The following RHBDD1 variants were observed in gnomAD, a reference collection of about 807,000 sequenced individuals.
RHBDD1 encodes rhomboid-related protein 4.
In RHBDD1, 38 loss-of-function variants were observed where a neutral mutation model predicts 36.3. The ratio of observed to expected loss-of-function variants is 1.05; its 90% CI spans 0.81 to 1.37. RHBDD1 has a LOEUF of 1.37. Among genes scored for constraint, RHBDD1 ranks in the 40% most tolerant of loss-of-function variants. The pLI is 0.00. For missense variants in RHBDD1, 393 were observed against 377.6 expected, an observed-to-expected ratio of 1.04 and a Z score of -0.34; for synonymous variants, 151 against 136.5, an observed-to-expected ratio of 1.11 and a Z score of -0.74.
At chr2:226,990,927 G>A (rs1240605970) in intron 8 of RHBDD1, among the ~76,000 whole-genome samples, 1 of 152,194 alleles carries the variant, frequency 6.6e-6, no homozygotes, top group African/African-American at 2.4e-5. Context: ...ACCCAGGCCT[G>A]TAAATGTCCA....
intron 8 of RHBDD1, among the ~76,000 whole-genome samples, chr2:226,982,182 C>G (rs887054345): frequency 6.6e-6 from 1 of 152,238 alleles, no homozygotes; most frequent in Admixed American, 6.5e-5. Flanking sequence ...TCAGCCCTGC[C>G]CCTAATGATT....
the RHBDD1 span, among the ~76,000 whole-genome samples, chr2:226,828,492 A>T: frequency 6.6e-6 from 1 of 152,230 alleles, no homozygotes; most frequent in African/African-American, 2.4e-5. Context: ...AAAAAACTGC[A>T]TAACTATTTT....
At chr2:226,846,663 G>C (rs1942253058) in intron 3 of RHBDD1, among the ~76,000 whole-genome samples, 1 of 150,010 alleles carries the variant, frequency 6.7e-6, no homozygotes, top group African/African-American at 2.5e-5. Flanking sequence ...AGAATTGCTT[G>C]AACCCGGGAG....
the RHBDD1 span, among the ~76,000 whole-genome samples, chr2:226,805,983 C>T: frequency 6.6e-6 from 1 of 152,156 alleles, no homozygotes. Context: ...GGTGGTAGAA[C>T]TAGTTGATTT....
chr2:226,812,758 A>C, the RHBDD1 span, among the ~76,000 whole-genome samples: 1 of 152,210 alleles, frequency 6.6e-6, no homozygotes, highest in African/African-American at 2.4e-5. Flanking sequence ...ATTTAAAAAA[A>C]TTCTCCCATA....
At chr2:226,882,025 A>G (rs1945783827) in intron 5 of RHBDD1, among the ~76,000 whole-genome samples, 1 of 152,248 alleles carries the variant, frequency 6.6e-6, no homozygotes, top group African/African-American at 2.4e-5. Flanking sequence ...AGGTTCTATA[A>G]GTAATAGCAT....
intron 5 of RHBDD1, among the ~76,000 whole-genome samples, chr2:226,901,128 T>C (rs553794635): frequency 2.8e-4 from 42 of 152,350 alleles, no homozygotes; most frequent in African/African-American, 9.1e-4. Flanking sequence ...TATTTGTCTT[T>C]TTGTATCTGG....
intron 8 of RHBDD1, among the ~76,000 whole-genome samples, chr2:226,992,765 G>A (rs1407758000): frequency 6.6e-6 from 1 of 152,206 alleles, no homozygotes; most frequent in Non-Finnish European, 1.5e-5. Context: ...GGTGAGAGGT[G>A]CAACCCTGAA....
At chr2:226,991,173 T>G (rs1253379645) in intron 8 of RHBDD1, among the ~76,000 whole-genome samples, 1 of 152,138 alleles carries the variant, frequency 6.6e-6, no homozygotes, top group Non-Finnish European at 1.5e-5. Flanking sequence ...AAGTCACTGG[T>G]TTTGTCATTT....
the RHBDD1 span, among the ~76,000 whole-genome samples, chr2:226,822,650 AAAG>A: frequency 6.6e-6 from 1 of 150,554 alleles, no homozygotes; most frequent in Non-Finnish European, 1.5e-5. Context: ...AAAAAAAAAA[AAAG>A]AAAATAAATG....
intron 3 of RHBDD1, among the ~76,000 whole-genome samples, chr2:226,847,267 C>T (rs1942324535): frequency 6.6e-6 from 1 of 152,190 alleles, no homozygotes; most frequent in Non-Finnish European, 1.5e-5. Context: ...GTTACTTCTA[C>T]TTCCCTAAAC....
At chr2:226,959,503 G>A (rs1402403462) in intron 8 of RHBDD1, among the ~76,000 whole-genome samples, 4 of 152,082 alleles carry the variant, frequency 2.6e-5, no homozygotes, top group Non-Finnish European at 4.4e-5. Context: ...AAACAGAAAC[G>A]TACCACATAT....
chr2:226,960,229 A>G (rs914394249), intron 8 of RHBDD1, among the ~76,000 whole-genome samples: 1 of 152,242 alleles, frequency 6.6e-6, no homozygotes, highest in Admixed American at 6.5e-5. Flanking sequence ...ATCCTCCCCA[A>G]CACTTGCTAT....
At chr2:226,805,262 G>T in the RHBDD1 span, among the ~76,000 whole-genome samples, 2 of 152,160 alleles carry the variant, frequency 1.3e-5, no homozygotes, top group African/African-American at 4.8e-5. Flanking sequence ...ACCCAGGCTG[G>T]AGTGCAGTGG....
intron 8 of RHBDD1, among the ~76,000 whole-genome samples, chr2:226,969,828 A>C (rs1354801721): frequency 1.3e-5 from 2 of 152,154 alleles, no homozygotes; most frequent in African/African-American, 4.8e-5. Context: ...CATAATGCTA[A>C]ATTTTTCTTG....
At chr2:226,827,628 A>G in the RHBDD1 span, among the ~76,000 whole-genome samples, 56 of 152,338 alleles carry the variant, frequency 3.7e-4, no homozygotes, top group African/African-American at 1.3e-3. Context: ...TGCCAGCTCT[A>G]CAAAGTATTC....
chr2:226,988,430 G>T (rs746910872), intron 8 of RHBDD1: 2 of 1,550,386 alleles, frequency 1.3e-6, no homozygotes, highest in East Asian at 4.9e-5. Flanking sequence ...CCTGAAGCAG[G>T]CCGCAGTTTG....
At chr2:226,880,708 G>A (rs1371025641) in intron 5 of RHBDD1, among the ~76,000 whole-genome samples, 1 of 152,198 alleles carries the variant, frequency 6.6e-6, no homozygotes, top group African/African-American at 2.4e-5. Context: ...GACACATTGA[G>A]AACAGAAAAG....
Position 226,890,074 on chromosome 2 carries a change from G to C in RHBDD1, c.567-16719G>C, listed in dbSNP as rs925004992. On this transcript the variant is annotated intron_variant, in intron 5 of 8. Transcript: ENST00000392062. ...CCATCACCTGCAGGTACAAGGTGAGGGTTGCTAAAGCTCAAGCCAGTCAGA... is the reference window on the plus strand; with the variant it reads ...CCATCACCTGCAGGTACAAGGTGAGCGTTGCTAAAGCTCAAGCCAGTCAGA... Among the ~76,000 whole-genome samples, 3 of 152,266 alleles carry C rather than the reference G, an allele frequency of 2.0e-5. No homozygotes were observed. The East Asian group carries it at 5.8e-4, about 29-fold the overall frequency.
Sources: allele counts gnomAD v4.1 joint callset (sites outside exome capture counted in the v4.1 genomes callset), GRCh38; gene constraint gnomAD v4.1.1; transcripts MANE v1.5; gene names NCBI Gene and HGNC (gene_info 2026-07-23, HGNC 2026-07-21).